Variants in DNAL1 observed in about 807,000 individuals in gnomAD.
DNAL1 encodes the protein chromosome 14 open reading frame 168.
DNAL1 carries 17 observed loss-of-function variants against 29.4 expected under a neutral mutation model. That is an observed-to-expected ratio of 0.58 (90% CI 0.40 to 0.87). DNAL1 has a LOEUF of 0.87. Ranked by LOEUF, DNAL1 falls within the 40% of genes least tolerant of loss-of-function variation. The probability of loss-of-function intolerance (pLI) is 0.00; values close to 1 mark genes in which losing one functional copy is unlikely to be tolerated. For missense variants in DNAL1, 188 were observed against 214.1 expected (o/e 0.88, Z 0.76); for synonymous variants, 78 against 76.3 (o/e 1.02, Z -0.12).
At chr14:73,647,376 A>AAG (rs1555400516) in intron 1 of DNAL1, among the ~76,000 whole-genome samples, 1 of 109,926 alleles carries the variant, frequency 9.1e-6, no homozygotes. Flanking sequence ...AAAAAAAAAA[A>AAG]AAAAAGAAAA....
At chr14:73,653,869 A>C (rs1280073054) in intron 1 of DNAL1, among the ~76,000 whole-genome samples, 5 of 152,242 alleles carry the variant, frequency 3.3e-5, no homozygotes, top group African/African-American at 1.2e-4. Context: ...AATTGAATCT[A>C]AGCTGCTATT....
At chr14:73,649,429 C>A (rs1595198569) in intron 1 of DNAL1, among the ~76,000 whole-genome samples, 1 of 151,502 alleles carries the variant, frequency 6.6e-6, no homozygotes, top group African/African-American at 2.4e-5. Context: ...ACTACAGGCG[C>A]CTGCCACCAC....
chr14:73,694,790 A>G (rs1231546086), intron 7 of DNAL1, among the ~76,000 whole-genome samples: 1 of 151,576 alleles, frequency 6.6e-6, no homozygotes, highest in Non-Finnish European at 1.5e-5. Flanking sequence ...CCCGGGTTCA[A>G]GCGATTCTCC....
At chr14:73,669,708 G>T (rs138149033) in intron 4 of DNAL1, among the ~76,000 whole-genome samples, 13 of 152,178 alleles carry the variant, frequency 8.5e-5, no homozygotes, top group African/African-American at 3.1e-4. Context: ...GGGATAATTG[G>T]CATAAGCTAC....
intron 1 of DNAL1, among the ~76,000 whole-genome samples, chr14:73,650,376 T>C (rs912865795): frequency 6.6e-6 from 1 of 152,194 alleles, no homozygotes; most frequent in Non-Finnish European, 1.5e-5. Context: ...CCTTGGTGGG[T>C]TGAATCTGCA....
chr14:73,664,233 T>G (rs751345593), intron 4 of DNAL1, among the ~76,000 whole-genome samples: 3 of 152,198 alleles, frequency 2.0e-5, no homozygotes, highest in Non-Finnish European at 2.9e-5. Flanking sequence ...CTTAACTGTT[T>G]ACTTAACTGA....
intron 7 of DNAL1, among the ~76,000 whole-genome samples, chr14:73,694,041 A>G (rs1466882402): frequency 6.6e-6 from 1 of 151,948 alleles, no homozygotes; most frequent in Non-Finnish European, 1.5e-5. Flanking sequence ...ACTGAGGAAG[A>G]GAGGTACTGG....
chr14:73,662,826 T>TTG (rs1891387144), intron 4 of DNAL1, among the ~76,000 whole-genome samples: 1 of 133,818 alleles, frequency 7.5e-6, no homozygotes, highest in Non-Finnish European at 1.6e-5. Context: ...TTTTTTTTTT[T>TTG]GCCATATAAG....
chr14:73,670,710 ATTTTATT>A (rs909077560), intron 4 of DNAL1, among the ~76,000 whole-genome samples: 22 of 151,354 alleles, frequency 1.5e-4, no homozygotes, highest in East Asian at 7.7e-4. Flanking sequence ...TAGGCATTTT[ATTTTATT>A]TTTTATTTTT....
intron 4 of DNAL1, among the ~76,000 whole-genome samples, chr14:73,666,618 T>C (rs1566883712): frequency 6.6e-6 from 1 of 152,224 alleles, no homozygotes; most frequent in Non-Finnish European, 1.5e-5. Context: ...GATATCATAA[T>C]TTATTTCCTT....
intron 3 of DNAL1, among the ~76,000 whole-genome samples, 181 bp from the exon 4 acceptor site, chr14:73,661,806 T>A (rs1451414263): frequency 6.6e-6 from 1 of 152,176 alleles, no homozygotes; most frequent in East Asian, 1.9e-4. Flanking sequence ...AAATTTTTAA[T>A]GAGTGTTAAA....
chr14:73,658,417 AT>A (rs917054689), intron 2 of DNAL1, among the ~76,000 whole-genome samples: 1 of 151,802 alleles, frequency 6.6e-6, no homozygotes, highest in Non-Finnish European at 1.5e-5. Flanking sequence ...GAATTTTAGG[AT>A]TTTTTTCTAT....
intron 1 of DNAL1, among the ~76,000 whole-genome samples, chr14:73,654,289 T>G (rs906428464): frequency 2.0e-5 from 3 of 152,200 alleles, no homozygotes; most frequent in African/African-American, 7.2e-5. Context: ...GGGAAGTGTA[T>G]GGGTGTTACA....
chr14:73,689,431 A>C lies in DNAL1; in HGVS notation c.448A>C (p.Asn150His). Residue 150 changes from asparagine to histidine, a missense_variant, in exon 7 of 8, where the codon AAT becomes CAT. Transcript: ENST00000553645. ...CCTCGAAGACCTGGTGTTTGTAGGC[A>C]ATCCCTTGGAAGAGAAACATTCTGC... is the stretch of plus-strand genomic sequence containing the variant. Reference protein sequence around the residue: ...PCLEDLVFVGNPLEEKHSAEN... With the variant: ...PCLEDLVFVGHPLEEKHSAEN... The C allele has an allele frequency of 6.4e-7, 1 of 1,558,904 alleles. No homozygotes were observed. The highest frequency in any genetic ancestry group is 8.7e-7 in the Non-Finnish European group (1 of 1,150,952).
At chr14:73,684,881 G>A (rs768399843) in intron 5 of DNAL1, among the ~76,000 whole-genome samples, 29 of 152,094 alleles carry the variant, frequency 1.9e-4, no homozygotes, top group Non-Finnish European at 3.2e-4. Context: ...GTAACAGATC[G>A]AGACTCTGTC....
rs1167468359 is a variant in DNAL1 at position 73,700,781 on chromosome 14, TG to T, written c.*4843del. 6.6e-6 allele frequency: 1 copy of T among 152,220 alleles called. No homozygotes were observed. 9.4% of individuals were successfully genotyped at this position (152,220 alleles called of 1,614,324 possible). ...TCCTTTGGCACAGATTTTATTTATT[TG>T]GGGCTGTTTAATGTGTCTGTAAATC... On this transcript the variant is annotated 3_prime_UTR_variant, in exon 8 of 8. Transcript: ENST00000553645.
Position 73,698,745 on chromosome 14 carries a change from A to G in DNAL1, c.*2803A>G, listed in dbSNP as rs1042170928. 3 of 151,950 alleles carry G rather than the reference A, an allele frequency of 2.0e-5. No individual in the cohort carries two copies. Among genetic ancestry groups the G allele is most frequent in the African/African-American group, 7.3e-5 (3 of 41,376 alleles). 9.4% of individuals were successfully genotyped at this position (151,950 alleles called of 1,614,324 possible). On this transcript the variant is annotated 3_prime_UTR_variant, in exon 8 of 8. Coordinates refer to ENST00000553645, the MANE Select transcript of DNAL1 (RefSeq NM_031427.4). The stretch of plus-strand genomic sequence containing the variant: ...AGGCATGAGCCACCGTGCCTGGCCA[A>G]ATTTCTTCTATTCTTGTAAGTGATG...
chr14:73,676,286 G>A lies in DNAL1; in HGVS notation c.264+4689G>A, dbSNP rs185157017. ...TCTATAAGTACCATATGTTCATTGC[G>A]AAAACAAATCAAGCAATTTATAAAT... On this transcript the variant is annotated intron_variant, in intron 5 of 7. Coordinates refer to ENST00000553645, the MANE Select transcript of DNAL1 (RefSeq NM_031427.4). 3.1e-3 allele frequency among the ~76,000 whole-genome samples: 472 copies of A among 151,784 alleles called. 1 individual carries two copies. The highest frequency in any genetic ancestry group is 0.011 in the African/African-American group (447 of 41,388).
intron 7 of DNAL1, among the ~76,000 whole-genome samples, chr14:73,695,497 T>G (rs905600761): frequency 6.6e-6 from 1 of 152,136 alleles, no homozygotes; most frequent in African/African-American, 2.4e-5. Context: ...TTATTTTTAT[T>G]ACGGCACACT....
Sources: allele counts gnomAD v4.1 joint callset (sites outside exome capture counted in the v4.1 genomes callset), GRCh38; gene constraint gnomAD v4.1.1; transcripts MANE v1.5; gene names NCBI Gene and HGNC (gene_info 2026-07-23, HGNC 2026-07-21).